The following THSD4 variants were observed in gnomAD, a reference collection of about 807,000 sequenced individuals.
THSD4 encodes thrombospondin type 1 domain containing 4.
In THSD4, 69 loss-of-function variants were observed where a neutral mutation model predicts 119.0. The observed-to-expected ratio is 0.58, with a 90% confidence interval of 0.48 to 0.71. The LOEUF (loss-of-function observed/expected upper bound fraction) is 0.71. Ranked by LOEUF, THSD4 falls within the 30% of genes least tolerant of loss-of-function variation. THSD4 has a pLI of 0.00. For synonymous variants in THSD4, 524 were observed against 540.4 expected, an observed-to-expected ratio of 0.97 and a Z score of 0.42; for missense variants, 1,393 against 1,391.1, an observed-to-expected ratio of 1.00 and a Z score of -0.02.
intron 7 of THSD4, among the ~76,000 whole-genome samples, chr15:71,564,879 T>A (rs573667659): frequency 1.7e-4 from 26 of 149,636 alleles, no homozygotes; most frequent in African/African-American, 6.4e-4. Context: ...TTATATAACA[T>A]CCCCAGCAGG....
intron 4 of THSD4, among the ~76,000 whole-genome samples, chr15:71,228,850 C>CT (rs554343164): frequency 1.8e-4 from 27 of 152,262 alleles, no homozygotes; most frequent in African/African-American, 6.3e-4. Flanking sequence ...CCTCATGAAT[C>CT]TTTTTTCATG....
chr15:71,672,261 G>A (rs995590741), intron 8 of THSD4, among the ~76,000 whole-genome samples: 13 of 152,162 alleles, frequency 8.5e-5, no homozygotes, highest in African/African-American at 2.2e-4. Context: ...GTGAATGGGA[G>A]TTCACTCATG....
At chr15:71,199,757 GATGTGTGT>G (rs2043771048) in intron 3 of THSD4, among the ~76,000 whole-genome samples, 1 of 136,538 alleles carries the variant, frequency 7.3e-6, no homozygotes, top group African/African-American at 2.9e-5. Context: ...GGGTGTGTGT[GATGTGTGT>G]GGTGTGTGTG....
At chr15:71,458,009 G>C (rs868682997) in intron 7 of THSD4, among the ~76,000 whole-genome samples, 2 of 152,130 alleles carry the variant, frequency 1.3e-5, no homozygotes, top group Non-Finnish European at 2.9e-5. Flanking sequence ...CTTTCCCAGA[G>C]GATTCCTGGG....
chr15:71,137,220 T>C (rs750070745), intron 1 of THSD4, among the ~76,000 whole-genome samples: 5 of 152,116 alleles, frequency 3.3e-5, no homozygotes, highest in Non-Finnish European at 7.4e-5. Context: ...GCACGTGTGC[T>C]CAGCCCTCTC....
At chr15:71,353,724 C>T (rs903811062) in intron 6 of THSD4, among the ~76,000 whole-genome samples, 2 of 152,158 alleles carry the variant, frequency 1.3e-5, no homozygotes, top group African/African-American at 4.8e-5. Context: ...ATGCACTGTC[C>T]CGACTATTTC....
chr15:71,277,487 T>A (rs1450813168), intron 6 of THSD4, among the ~76,000 whole-genome samples: 1 of 152,198 alleles, frequency 6.6e-6, no homozygotes, highest in Non-Finnish European at 1.5e-5. Flanking sequence ...CAAGCACTTG[T>A]CATCATATCC....
intron 8 of THSD4, among the ~76,000 whole-genome samples, chr15:71,671,817 G>A (rs2051536252): frequency 6.6e-6 from 1 of 152,074 alleles, no homozygotes; most frequent in Non-Finnish European, 1.5e-5. Flanking sequence ...TATTTCTGAG[G>A]GCTCTGTTCT....
intron 8 of THSD4, among the ~76,000 whole-genome samples, chr15:71,672,222 C>G (rs1323012284): frequency 3.9e-5 from 6 of 152,076 alleles, no homozygotes; most frequent in African/African-American, 1.4e-4. Flanking sequence ...AGTTGGATTC[C>G]TAGGTATTTT....
chr15:71,291,745 CAT>C (rs951352987), intron 6 of THSD4, among the ~76,000 whole-genome samples: 2 of 152,220 alleles, frequency 1.3e-5, no homozygotes, highest in African/African-American at 4.8e-5. Context: ...GAAGTTGACA[CAT>C]AAAATTAATC....
At chr15:71,234,517 G>T (rs950344036) in intron 4 of THSD4, among the ~76,000 whole-genome samples, 2 of 152,116 alleles carry the variant, frequency 1.3e-5, no homozygotes, top group African/African-American at 2.4e-5. Context: ...TGTTGGCCAG[G>T]CTGGTCTTGA....
intron 7 of THSD4, among the ~76,000 whole-genome samples, chr15:71,613,790 A>G (rs1264063954): frequency 3.9e-5 from 6 of 152,176 alleles, no homozygotes; most frequent in Non-Finnish European, 8.8e-5. Context: ...TAGGTGGAAA[A>G]TAGTATCATA....
At chr15:71,468,393 A>T in intron 7 of THSD4, among the ~76,000 whole-genome samples, 1 of 152,102 alleles carries the variant, frequency 6.6e-6, no homozygotes, top group Admixed American at 6.5e-5. Context: ...GCTCTCTCAG[A>T]TCCCTTTTTC....
chr15:71,437,999 G>T (rs933036058), intron 7 of THSD4, among the ~76,000 whole-genome samples: 2 of 152,198 alleles, frequency 1.3e-5, no homozygotes, highest in African/African-American at 4.8e-5. Context: ...ACTGGGCTAG[G>T]ATGAAGTGAG....
Position 71,604,314 on chromosome 15 carries a change from G to A in THSD4, c.1153-56216G>A, listed in dbSNP as rs541912400. 2.0e-5 allele frequency among the ~76,000 whole-genome samples: 3 copies of A among 152,292 alleles called. No homozygotes were observed. The East Asian group carries it at 5.8e-4, about 29-fold the overall frequency. ...GAAATATGAAAGTGTAAGAACACTA[G>A]AAATTCAATGCATTTTTATAACACT... On this transcript the variant is annotated intron_variant, in intron 7 of 17. Transcript: ENST00000261862.
intron 6 of THSD4, among the ~76,000 whole-genome samples, chr15:71,305,088 T>C (rs962052965): frequency 6.6e-6 from 1 of 152,214 alleles, no homozygotes; most frequent in Non-Finnish European, 1.5e-5. Context: ...ATGAGGATTC[T>C]GGGGAAAACC....
intron 4 of THSD4, among the ~76,000 whole-genome samples, chr15:71,233,532 T>G (rs989881891): frequency 6.6e-6 from 1 of 152,212 alleles, no homozygotes; most frequent in Non-Finnish European, 1.5e-5. Flanking sequence ...GCTTAGTATC[T>G]TTACTGTTTT....
At chr15:71,410,569 C>T (rs558092383) in intron 6 of THSD4, among the ~76,000 whole-genome samples, 11 of 152,180 alleles carry the variant, frequency 7.2e-5, no homozygotes, top group African/African-American at 2.6e-4. Flanking sequence ...TAAAGGTAGG[C>T]GAGGTTCCGC....
intron 8 of THSD4, among the ~76,000 whole-genome samples, chr15:71,715,924 G>A (rs1288298263): frequency 6.6e-6 from 1 of 152,098 alleles, no homozygotes; most frequent in African/African-American, 2.4e-5. Flanking sequence ...ACATGAATTA[G>A]ATAATAGGGA....
Sources: gnomAD v4.1 joint callset for allele counts (sites outside exome capture counted in the v4.1 genomes callset) on GRCh38, gnomAD v4.1.1 for gene constraint, MANE v1.5 for transcripts, NCBI Gene and HGNC (gene_info 2026-07-23, HGNC 2026-07-21) for gene names.